The following NKAIN1 variants were observed in gnomAD, a reference collection of about 807,000 sequenced individuals.
NKAIN1 encodes sodium/potassium transporting ATPase interacting 1.
In NKAIN1, 13 loss-of-function variants were observed where a neutral mutation model predicts 31.6. The observed-to-expected ratio is 0.41, with a 90% CI of 0.27 to 0.65. NKAIN1 has a LOEUF of 0.65. Among genes scored for constraint, NKAIN1 ranks in the 30% least tolerant of loss-of-function variants. The pLI, the probability that NKAIN1 is intolerant of heterozygous loss-of-function variation, is 0.30. For synonymous variants in NKAIN1, 104 were observed against 109.0 expected, an observed-to-expected ratio of 0.95 and a Z score of 0.28; for missense variants, 193 against 262.2, an observed-to-expected ratio of 0.74 and a Z score of 1.82.
At chr1:31,235,966 A>G (rs1413633204) in intron 1 of NKAIN1, among the ~76,000 whole-genome samples, 4 of 152,234 alleles carry the variant, frequency 2.6e-5, no homozygotes, top group Non-Finnish European at 5.9e-5. Context: ...GATATGAATC[A>G]TTAAGATAAT....
At chr1:31,211,804 T>C (rs1279109807) in intron 1 of NKAIN1, among the ~76,000 whole-genome samples, 3 of 151,956 alleles carry the variant, frequency 2.0e-5, no homozygotes, top group Admixed American at 2.0e-4. Flanking sequence ...TAGCCAGGCG[T>C]GGTGACGCAT....
chr1:31,203,758 T>C (rs2148356509), intron 1 of NKAIN1, among the ~76,000 whole-genome samples: 1 of 152,200 alleles, frequency 6.6e-6, no homozygotes, highest in South Asian at 2.1e-4. Flanking sequence ...CCAATTTCTG[T>C]ATTTTTAGTA....
At chr1:31,238,793 C>T (rs1017299323) in intron 1 of NKAIN1, among the ~76,000 whole-genome samples, 1 of 152,172 alleles carries the variant, frequency 6.6e-6, no homozygotes, top group Non-Finnish European at 1.5e-5. Flanking sequence ...AAGTGTGGTC[C>T]AGGCTGGGTC....
At chr1:31,236,482 C>T (rs1348716833) in intron 1 of NKAIN1, among the ~76,000 whole-genome samples, 3 of 152,176 alleles carry the variant, frequency 2.0e-5, no homozygotes, top group Non-Finnish European at 2.9e-5. Context: ...AACCAAGACT[C>T]CCTTCTCCCC....
chr1:31,187,857 G>GA (rs111493842), intron 2 of NKAIN1, among the ~76,000 whole-genome samples, 193 bp downstream of exon 2: 77 of 147,106 alleles, frequency 5.2e-4, no homozygotes, highest in Admixed American at 1.2e-3. Context: ...AATTCTTCAG[G>GA]AAAAAAAAAA....
chr1:31,223,340 C>T (rs28489540), intron 1 of NKAIN1, among the ~76,000 whole-genome samples: 1 of 139,696 alleles, frequency 7.2e-6, no homozygotes, highest in Non-Finnish European at 1.5e-5. Context: ...TGCTCCACTG[C>T]ACTCCAGCCT....
chr1:31,188,071 G>A lies in NKAIN1; in HGVS notation c.171C>T (p.Tyr57=), dbSNP rs145076424. ...GTACCAGGATGAGGTACCGGGAGCGGTACTGCACGGTGCCAAAGATGCCCA... is the reference window on the plus strand; with the variant it reads ...GTACCAGGATGAGGTACCGGGAGCGATACTGCACGGTGCCAAAGATGCCCA... ...VILGIFGTVQ[Y]RSRYLILYAA... The change falls in exon 2 of 7, where the codon TAC becomes TAT. Residue 57 remains tyrosine, a synonymous_variant. Coordinates refer to ENST00000373736, the MANE Select transcript of NKAIN1 (RefSeq NM_024522.3). 311 of 1,553,784 alleles carry A rather than the reference G, an allele frequency of 2.0e-4. 1 individual carries two copies. The Middle Eastern group carries it at 3.8e-3, about 19-fold the overall frequency.
intron 2 of NKAIN1, 55 bp from the exon 3 acceptor site, chr1:31,185,382 G>A (rs1272528618): frequency 2.3e-5 from 33 of 1,409,176 alleles, no homozygotes; most frequent in Non-Finnish European, 3.1e-5. Flanking sequence ...GGGATGGGGA[G>A]TGTCAATGGA....
In NKAIN1 at chr1:31,180,341, G is replaced by T. The variant is rs867495756; in HGVS notation, c.*1362C>A. The T allele has an allele frequency of 6.6e-6, 1 of 152,234 alleles. No homozygotes were observed. Among genetic ancestry groups the T allele is most frequent in the African/African-American group, 2.4e-5 (1 of 41,440 alleles). The allele number at this position is 152,234 out of a possible 1,614,324, so 9.4% of individuals were successfully genotyped here. A position where few individuals can be genotyped will look rare whatever the true frequency, so the allele number is the denominator to read the frequency against. On this transcript the variant is annotated 3_prime_UTR_variant, in exon 7 of 7. Transcript: ENST00000373736. Reference sequence around the variant, plus strand: ...TCTCTATGGACGCACCAGGCAGTGCGTGGGATGCAGCGTCCTCAGGAGTGT... The same window carrying T: ...TCTCTATGGACGCACCAGGCAGTGCTTGGGATGCAGCGTCCTCAGGAGTGT...
chr1:31,201,394 T>G (rs1645378939), intron 1 of NKAIN1, among the ~76,000 whole-genome samples: 1 of 148,868 alleles, frequency 6.7e-6, no homozygotes, highest in Non-Finnish European at 1.5e-5. Context: ...AGTCTCTCTC[T>G]GTCGCCGAGG....
Position 31,216,690 on chromosome 1 carries a change from T to TTTTATCTA in NKAIN1, c.54+22803_54+22804insTAGATAAA, listed in dbSNP as rs369336386. Among the ~76,000 whole-genome samples, 865 of 140,562 alleles carry TTTTATCTA rather than the reference T, an allele frequency of 6.2e-3. 13 individuals are homozygous for TTTTATCTA. Among genetic ancestry groups the TTTTATCTA allele is most frequent in the African/African-American group, 0.022 (806 of 36,512 alleles). 92.2% of individuals were successfully genotyped at this position (140,562 alleles called of 152,430 possible). On this transcript the variant is annotated intron_variant, in intron 1 of 6. Coordinates refer to ENST00000373736, the MANE Select transcript of NKAIN1 (RefSeq NM_024522.3). ...TCCTAGGAACGCCTGTGGCATTGAC[T>TTTTATCTA]TTTATTTATTTATTTATTTATTTAT...
chr1:31,232,422 TATAGAGAGAGAGAGAG>T (rs1645658934), intron 1 of NKAIN1, among the ~76,000 whole-genome samples: 4 of 25,804 alleles, frequency 1.6e-4, no homozygotes, highest in African/African-American at 4.7e-4. Context: ...TATATATATA[TATAGAGAGAGAGAGAG>T]AGAGAGAGAG....
intron 3 of NKAIN1, among the ~76,000 whole-genome samples, chr1:31,184,600 C>T (rs148449782): frequency 6.6e-6 from 1 of 152,230 alleles, no homozygotes; most frequent in Non-Finnish European, 1.5e-5. Flanking sequence ...AACTGGGGCT[C>T]AGAGAGGATC....
intron 1 of NKAIN1, among the ~76,000 whole-genome samples, chr1:31,238,045 T>C (rs1381913147): frequency 2.0e-5 from 3 of 152,162 alleles, no homozygotes; most frequent in Non-Finnish European, 4.4e-5. Flanking sequence ...ATTAATTCCC[T>C]CTGCAATCCT....
chr1:31,217,872 G>A (rs921876137), intron 1 of NKAIN1, among the ~76,000 whole-genome samples: 2 of 152,030 alleles, frequency 1.3e-5, no homozygotes, highest in Admixed American at 1.3e-4. Flanking sequence ...TGTTCTCTAG[G>A]GACCCTCTTG....
intron 1 of NKAIN1, among the ~76,000 whole-genome samples, chr1:31,193,582 G>C (rs1290111691): frequency 6.6e-6 from 1 of 151,954 alleles, no homozygotes; most frequent in African/African-American, 2.4e-5. Context: ...TGTAATCCCA[G>C]CTACTCAGGA....
chr1:31,220,003 A>ACTTTTTTTTTTTTT lies in NKAIN1; in HGVS notation c.54+19490_54+19491insAAAAAAAAAAAAAG, dbSNP rs138578415. Among the ~76,000 whole-genome samples the ACTTTTTTTTTTTTT allele has an allele frequency of 4.7e-5, 6 of 127,784 alleles. 3 individuals are homozygous for ACTTTTTTTTTTTTT. Among genetic ancestry groups the ACTTTTTTTTTTTTT allele is most frequent in the Non-Finnish European group, 9.5e-5 (6 of 63,226 alleles). The allele number at this position is 127,784 out of a possible 152,430, so 83.8% of individuals were successfully genotyped here. Reference sequence around the variant, plus strand: ...GCTAAACCTGCTTCAGAACACTCAGATTTTTTTTTTTTTTTTTTTTTGAGA... The same window carrying ACTTTTTTTTTTTTT: ...GCTAAACCTGCTTCAGAACACTCAGACTTTTTTTTTTTTTTTTTTTTTTTTTTTTTTTTTTGAGA... On this transcript the variant is annotated intron_variant, in intron 1 of 6. Transcript: ENST00000373736.
At chr1:31,201,802 T>C (rs1368359862) in intron 1 of NKAIN1, among the ~76,000 whole-genome samples, 1 of 152,180 alleles carries the variant, frequency 6.6e-6, no homozygotes, top group Non-Finnish European at 1.5e-5. Context: ...AGGTGCTCTT[T>C]GAGATTTGGC....
chr1:31,233,667 G>A lies in NKAIN1; in HGVS notation c.54+5827C>T, dbSNP rs1190860794. On this transcript the variant is annotated intron_variant, in intron 1 of 6. Coordinates refer to ENST00000373736, the MANE Select transcript of NKAIN1 (RefSeq NM_024522.3). The surrounding 1 kb of genome is among the most constrained non-coding windows in gnomAD (Gnocchi z 4.0). ...CTGGAGTGTTTGTGGGAATGACCCT[G>A]ATCACGAAATCCTCTAATACAGGCA... Among the ~76,000 whole-genome samples, 3 of 152,172 alleles carry A rather than the reference G, an allele frequency of 2.0e-5. No homozygotes were observed. Among genetic ancestry groups the A allele is most frequent in the African/African-American group, 7.2e-5 (3 of 41,428 alleles).
Sources: allele counts gnomAD v4.1 joint callset (sites outside exome capture counted in the v4.1 genomes callset), GRCh38; gene constraint gnomAD v4.1.1; non-coding constraint Gnocchi (gnomAD v3.1); transcripts MANE v1.5; gene names NCBI Gene and HGNC (gene_info 2026-07-23, HGNC 2026-07-21).